The following CD58 variants were observed in gnomAD, a reference collection of about 807,000 sequenced individuals.
CD58 encodes CD58 molecule, also known as lymphocyte function-associated antigen 3.
Under a neutral mutation model 27.6 loss-of-function variants are expected in CD58, and 14 were observed. The ratio of observed to expected loss-of-function variants is 0.51; its 90% CI spans 0.34 to 0.79. The LOEUF (loss-of-function observed/expected upper bound fraction) is 0.79. CD58 is among the 30% of genes least tolerant of loss of function. The pLI, the probability that CD58 is intolerant of heterozygous loss-of-function variation, is 0.02. For missense variants in CD58, 268 were observed against 301.7 expected, an observed-to-expected ratio of 0.89 and a Z score of 0.83; for synonymous variants, 117 against 103.8, an observed-to-expected ratio of 1.13 and a Z score of -0.77.
In CD58 at chr1:116,514,671, G is replaced by A; in HGVS notation, c.*142C>T. On this transcript the variant is annotated 3_prime_UTR_variant, in exon 6 of 6. Transcript: ENST00000369489. ...AAACTAATGCTTGTTCTTTGTTAGT[G>A]GGTATTTCTTCTTAAAGCAGCTGCT... 1.7e-6 allele frequency: 1 copy of A among 582,036 alleles called. No individual in the cohort carries two copies. The highest frequency in any genetic ancestry group is 3.0e-5 in the East Asian group (1 of 33,534). 36.1% of individuals were successfully genotyped at this position (582,036 alleles called of 1,614,324 possible).
chr1:116,565,164 GTCA>G (rs1379214798), intron 1 of CD58, among the ~76,000 whole-genome samples: 1 of 152,080 alleles, frequency 6.6e-6, no homozygotes, highest in Admixed American at 6.5e-5. Flanking sequence ...AAACATCCAA[GTCA>G]TCATAATTTC....
intron 1 of CD58, among the ~76,000 whole-genome samples, chr1:116,547,400 A>G (rs184397905): frequency 6.7e-6 from 1 of 148,376 alleles, no homozygotes; most frequent in African/African-American, 2.5e-5. Flanking sequence ...ATCTCGGCTC[A>G]CTAAAAGTTC....
Position 116,516,730 on chromosome 1 carries a change from C to T in CD58, c.744-1908G>A, listed in dbSNP as rs2101150033. Among the ~76,000 whole-genome samples, 1 of 152,330 alleles carries T rather than the reference C, an allele frequency of 6.6e-6. No homozygotes were observed. Among genetic ancestry groups the T allele is most frequent in the South Asian group, 2.1e-4 (1 of 4,830 alleles). ...GCTTTTCTGATTATTCTGGCCTCTCCAATTCCTCTGCGTTGGTTGCTCAGC... is the reference window on the plus strand; with the variant it reads ...GCTTTTCTGATTATTCTGGCCTCTCTAATTCCTCTGCGTTGGTTGCTCAGC... On this transcript the variant is annotated intron_variant, in intron 5 of 5. Coordinates refer to ENST00000369489, the MANE Select transcript of CD58 (RefSeq NM_001779.3). The surrounding 1 kb of genome is among the most constrained non-coding windows in gnomAD (Gnocchi z 6.1).
At chr1:116,548,845 C>G (rs1227772084) in intron 1 of CD58, among the ~76,000 whole-genome samples, 1 of 152,178 alleles carries the variant, frequency 6.6e-6, no homozygotes, top group Non-Finnish European at 1.5e-5. Context: ...TGAATGCTTA[C>G]TCTCTGCTGG....
chr1:116,539,709 A>C (rs1657934027), intron 2 of CD58, among the ~76,000 whole-genome samples: 1 of 152,210 alleles, frequency 6.6e-6, no homozygotes, highest in Non-Finnish European at 1.5e-5. Flanking sequence ...AAAAGTGTGC[A>C]AGCCTTTCTG....
rs980401790 is a variant in CD58, at chr1:116,517,475, C to T, written c.743+1756G>A. Reference sequence around the variant, plus strand: ...ACACCTGTGGCCCATCCATCGATCCCACCTCACCTAGGCCCTTGCTGCTGC... The same window carrying T: ...ACACCTGTGGCCCATCCATCGATCCTACCTCACCTAGGCCCTTGCTGCTGC... On this transcript the variant is annotated intron_variant, in intron 5 of 5. Coordinates refer to ENST00000369489, the MANE Select transcript of CD58 (RefSeq NM_001779.3). The surrounding 1 kb of genome is among the most constrained non-coding windows in gnomAD (Gnocchi z 6.5). Among the ~76,000 whole-genome samples, 6 of 152,162 alleles carry T rather than the reference C, an allele frequency of 3.9e-5. No homozygotes were observed. Among genetic ancestry groups the T allele is most frequent in the African/African-American group, 1.4e-4 (6 of 41,434 alleles).
intron 3 of CD58, among the ~76,000 whole-genome samples, chr1:116,535,685 C>T (rs1657773387): frequency 1.5e-5 from 2 of 129,716 alleles, no homozygotes; most frequent in South Asian, 6.0e-4. Context: ...ACTAAAAATA[C>T]AAAAAATTAG....
At chr1:116,569,594 TCAC>T (rs1403296428) in intron 1 of CD58, among the ~76,000 whole-genome samples, 3 of 143,022 alleles carry the variant, frequency 2.1e-5, no homozygotes, top group Non-Finnish European at 3.0e-5. Context: ...CCCTCACAGC[TCAC>T]CTTTTTTTTT....
At position 116,532,411 on chromosome 1, in the gene CD58, A is replaced by T. The variant is rs1657642646; in HGVS notation, c.628+3554T>A. The stretch of plus-strand genomic sequence containing the variant: ...AACATCCTAAGGAGAATACGGCCCT[A>T]CTCTACACGGCCCTTCTGAGATGAT... On this transcript the variant is annotated intron_variant, in intron 3 of 5. Coordinates refer to ENST00000369489, the MANE Select transcript of CD58 (RefSeq NM_001779.3). The surrounding 1 kb of genome is among the most constrained non-coding windows in gnomAD (Gnocchi z 5.1). Among the ~76,000 whole-genome samples, 1 of 152,070 alleles carries T rather than the reference A, an allele frequency of 6.6e-6. No individual in the cohort carries two copies. Among genetic ancestry groups the T allele is most frequent in the Non-Finnish European group, 1.5e-5 (1 of 68,014 alleles).
chr1:116,544,287 C>A, intron 2 of CD58, 24 bp downstream of exon 2: 1 of 1,544,146 alleles, frequency 6.5e-7, no homozygotes, highest in Non-Finnish European at 8.8e-7. Context: ...CCATTTTAAA[C>A]AAATCAACTT....
intron 5 of CD58, among the ~76,000 whole-genome samples, chr1:116,518,304 C>A (rs1242081792): frequency 6.6e-6 from 1 of 151,988 alleles, no homozygotes; most frequent in Admixed American, 6.6e-5. Context: ...AGTTCTGCCA[C>A]CATCACCTTG....
In CD58 at chr1:116,541,789, A is replaced by G. The variant is rs965841833; in HGVS notation, c.364+2522T>C. 1.4e-4 allele frequency among the ~76,000 whole-genome samples: 21 copies of G among 152,310 alleles called. No individual in the cohort carries two copies. The highest frequency in any genetic ancestry group is 5.1e-4 in the African/African-American group (21 of 41,564). On this transcript the variant is annotated intron_variant, in intron 2 of 5. Transcript: ENST00000369489. The surrounding 1 kb of genome is among the most constrained non-coding windows in gnomAD (Gnocchi z 5.3). ...AGCTCGGCGGGGTACTCTGGGCTAG[A>G]GCTCTAGATCTGTACATTATTAGCA...
chr1:116,528,562 G>A lies in CD58; in HGVS notation c.629-6579C>T, dbSNP rs1657497309. On this transcript the variant is annotated intron_variant, in intron 3 of 5. Coordinates refer to ENST00000369489, the MANE Select transcript of CD58 (RefSeq NM_001779.3). This position sits in a 1 kb window ranked among gnomAD's most constrained non-coding sequence, Gnocchi z 4.4. ...AAATGTGTACAACAGTTGGAAACTGGTACTCTAGAGAATATCCTCTTGCCT... is the reference window on the plus strand; with the variant it reads ...AAATGTGTACAACAGTTGGAAACTGATACTCTAGAGAATATCCTCTTGCCT... Among the ~76,000 whole-genome samples, 1 of 152,098 alleles carries A rather than the reference G, an allele frequency of 6.6e-6. No individual in the cohort carries two copies. Among genetic ancestry groups the A allele is most frequent in the African/African-American group, 2.4e-5 (1 of 41,398 alleles).
In CD58 at chr1:116,519,148, C is replaced by G; in HGVS notation, c.743+83G>C. On this transcript the variant is annotated intron_variant, in intron 5 of 5. Transcript: ENST00000369489. This position sits in a 1 kb window ranked among gnomAD's most constrained non-coding sequence, Gnocchi z 4.7. ...GTACAAGGCAACCAACAGATGAGTA[C>G]AATCTGGCTTCCCAAGTAATGGGCA... 1 of 1,590,090 alleles carries G rather than the reference C, an allele frequency of 6.3e-7. No homozygotes were observed. Among genetic ancestry groups the G allele is most frequent in the Non-Finnish European group, 8.6e-7 (1 of 1,165,744 alleles).
chr1:116,569,395 G>C (rs1659045021), intron 1 of CD58, among the ~76,000 whole-genome samples: 1 of 152,076 alleles, frequency 6.6e-6, no homozygotes, highest in African/African-American at 2.4e-5. Context: ...TAAGGCCCAG[G>C]AGAAGCTCTC....
At chr1:116,544,212 T>C in intron 2 of CD58, 99 bp downstream of exon 2, 1 of 809,862 alleles carries the variant, frequency 1.2e-6, no homozygotes, top group Non-Finnish European at 2.0e-6. Context: ...TAACATCTAA[T>C]TCTTTTCTCA....
rs1321650140 is a variant in CD58 at position 116,559,412 on chromosome 1, A to C, written c.70+11491T>G. On this transcript the variant is annotated intron_variant, in intron 1 of 5. Coordinates refer to ENST00000369489, the MANE Select transcript of CD58 (RefSeq NM_001779.3). The surrounding 1 kb of genome is among the most constrained non-coding windows in gnomAD (Gnocchi z 4.4). ...CAAGGGGCAGAGCTGGTGTCCAGAC[A>C]CAGGCAGTCGGCCCCAGAGCCTGCA... Among the ~76,000 whole-genome samples the C allele has an allele frequency of 6.6e-6, 1 of 152,178 alleles. No individual in the cohort carries two copies. The highest frequency in any genetic ancestry group is 1.5e-5 in the Non-Finnish European group (1 of 68,032).
At position 116,546,034 on chromosome 1, in the gene CD58, T is replaced by C. The variant is rs1658158757; in HGVS notation, c.71-1430A>G. Reference sequence around the variant, plus strand: ...TTTACGAAAAGTACAAAAAATTAGCTGGGCATGGCACACACCTGTGGTCCC... The same window carrying C: ...TTTACGAAAAGTACAAAAAATTAGCCGGGCATGGCACACACCTGTGGTCCC... On this transcript the variant is annotated intron_variant, in intron 1 of 5. Coordinates refer to ENST00000369489, the MANE Select transcript of CD58 (RefSeq NM_001779.3). The surrounding 1 kb of genome is among the most constrained non-coding windows in gnomAD (Gnocchi z 4.1). 6.6e-6 allele frequency among the ~76,000 whole-genome samples: 1 copy of C among 152,082 alleles called. No individual in the cohort carries two copies. Among genetic ancestry groups the C allele is most frequent in the South Asian group, 2.1e-4 (1 of 4,830 alleles).
intron 3 of CD58, among the ~76,000 whole-genome samples, chr1:116,535,327 G>T (rs560086451): frequency 6.6e-6 from 1 of 152,284 alleles, no homozygotes; most frequent in Admixed American, 6.5e-5. Context: ...TCAAAGCCAG[G>T]TTCTGCCACT....
Sources: gnomAD v4.1 joint callset for allele counts (sites outside exome capture counted in the v4.1 genomes callset) on GRCh38, gnomAD v4.1.1 for gene constraint, Gnocchi (gnomAD v3.1) non-coding constraint, MANE v1.5 for transcripts, NCBI Gene and HGNC (gene_info 2026-07-23, HGNC 2026-07-21) for gene names.